BTBD1: variants seen among roughly 807,000 people sequenced by gnomAD.
BTBD1 encodes BTB domain containing 1, also known as BTB/POZ domain-containing protein 1.
In BTBD1, 34 loss-of-function variants were observed where a neutral mutation model predicts 48.0. The observed-to-expected ratio is 0.71, with a 90% CI of 0.54 to 0.94. BTBD1 has a LOEUF of 0.94. Among genes scored for constraint, BTBD1 ranks in the 40% least tolerant of loss-of-function variants. The pLI, the probability that BTBD1 is intolerant of heterozygous loss-of-function variation, is 0.00. For missense variants in BTBD1, 543 were observed against 625.6 expected (o/e 0.87, Z 1.41); for synonymous variants, 261 against 242.1 (o/e 1.08, Z -0.72).
At chr15:83,056,098 C>T (rs1224003084) in intron 2 of BTBD1, among the ~76,000 whole-genome samples, 9 of 151,874 alleles carry the variant, frequency 5.9e-5, no homozygotes, top group Admixed American at 1.3e-4. Context: ...TTAGTAGAGA[C>T]GGGGTCATGC....
At chr15:83,018,386 A>T (rs1160545564) in intron 7 of BTBD1, among the ~76,000 whole-genome samples, 161 bp from the exon 8 acceptor site, 1 of 152,252 alleles carries the variant, frequency 6.6e-6, no homozygotes, top group African/African-American at 2.4e-5. Context: ...CCAAAAAACT[A>T]ATTAATGAAT....
At chr15:83,020,624 T>C in intron 6 of BTBD1, 51 bp downstream of exon 6, 1 of 1,212,968 alleles carries the variant, frequency 8.2e-7, no homozygotes, top group Non-Finnish European at 1.2e-6. Context: ...ATCTTAAAGT[T>C]ACCTGTTTGT....
chr15:83,041,921 T>G lies in BTBD1; in HGVS notation c.669A>C (p.Thr223=). The change falls in exon 4 of 8, where the codon ACA becomes ACC. Residue 223 remains threonine (T), a synonymous_variant. Coordinates refer to ENST00000261721, the MANE Select transcript of BTBD1 (RefSeq NM_025238.4). ...TGTCTCTCTCTAAAACTGCACAGAG[T>G]GTATCTATAGGCAAAATACAAAATA... is the stretch of plus-strand genomic sequence containing the variant. The part of the protein sequence containing the change: ...AEGFTDIDID[T]LCAVLERDTL... 6.2e-7 allele frequency: 1 copy of G among 1,613,924 alleles called. No individual in the cohort carries two copies. The highest frequency in any genetic ancestry group is 1.1e-5 in the South Asian group (1 of 91,074).
intron 5 of BTBD1, chr15:83,028,507 C>T (rs753497531): frequency 6.6e-6 from 1 of 151,982 alleles, no homozygotes; most frequent in Non-Finnish European, 1.5e-5. Flanking sequence ...TTTGTCTAGT[C>T]TGATGCCTAT....
intron 1 of BTBD1, among the ~76,000 whole-genome samples, chr15:83,064,019 C>A (rs2033220059): frequency 6.6e-6 from 1 of 152,120 alleles, no homozygotes; most frequent in South Asian, 2.1e-4. Flanking sequence ...CACAAGCGCC[C>A]CAAAAGGGAG....
intron 2 of BTBD1, among the ~76,000 whole-genome samples, chr15:83,050,720 A>G (rs910869263): frequency 6.6e-6 from 1 of 152,096 alleles, no homozygotes; most frequent in Non-Finnish European, 1.5e-5. Context: ...TTGAGGAGAG[A>G]ATAGGGTACT....
At chr15:83,039,599 C>G (rs2032703421) in intron 4 of BTBD1, among the ~76,000 whole-genome samples, 1 of 151,800 alleles carries the variant, frequency 6.6e-6, no homozygotes, top group South Asian at 2.1e-4. Context: ...ATGGTGAAAC[C>G]CCATCTCTAC....
At chr15:83,018,895 A>G (rs747465729) in intron 6 of BTBD1, 42 bp from the exon 7 acceptor site, 6 of 1,549,190 alleles carry the variant, frequency 3.9e-6, no homozygotes, top group Non-Finnish European at 5.3e-6. Context: ...GTTAAACCAA[A>G]TAAAGCAAAC....
chr15:83,058,447 G>C (rs1374553334), intron 1 of BTBD1, among the ~76,000 whole-genome samples: 1 of 152,132 alleles, frequency 6.6e-6, no homozygotes, highest in Non-Finnish European at 1.5e-5. Flanking sequence ...AGAAAACTAT[G>C]AAATTTTTGT....
At position 83,035,498 on chromosome 15, in the gene BTBD1, GAA is replaced by G. The variant is rs71156068; in HGVS notation, c.863-5172_863-5171del. On this transcript the variant is annotated intron_variant, in intron 4 of 7. Transcript: ENST00000261721. ...AGTTATCTATAATTTATGAGTCAAAGAAAAAAAAAGCAAAAATTAAAAATTCT... is the reference window on the plus strand; with the variant it reads ...AGTTATCTATAATTTATGAGTCAAAGAAAAAAAGCAAAAATTAAAAATTCT... 9.5e-5 allele frequency among the ~76,000 whole-genome samples: 14 copies of G among 147,298 alleles called. No homozygotes were observed. In the East Asian group the frequency reaches 1.2e-3, roughly 13 times the overall value.
Position 83,067,013 on chromosome 15 carries a change from T to A in BTBD1, c.139A>T (p.Asn47Tyr), listed in dbSNP as rs2033291260. 6.3e-7 allele frequency: 1 copy of A among 1,584,256 alleles called. No homozygotes were observed. The change falls in exon 1 of 8, where the codon AAC (asparagine) becomes TAC (tyrosine). Residue 47 changes from asparagine to tyrosine, a missense_variant. This residue lies in a region of BTBD1 where 173 missense variants were observed against 163.9 expected (regional missense o/e 1.06). Coordinates refer to ENST00000261721, the MANE Select transcript of BTBD1 (RefSeq NM_025238.4). Reference protein sequence around the residue: ...LLPLQREPLYNWQATKASLKE... With the variant: ...LLPLQREPLYYWQATKASLKE... Reference sequence around the variant, plus strand: ...AGCGACGCCTTGGTCGCCTGCCAGTTGTAGAGAGGTTCCCGCTGCAGGGGG... The same window carrying A: ...AGCGACGCCTTGGTCGCCTGCCAGTAGTAGAGAGGTTCCCGCTGCAGGGGG...
intron 5 of BTBD1, 81 bp downstream of exon 5, chr15:83,030,055 T>G (rs987857413): frequency 2.4e-5 from 29 of 1,194,792 alleles, no homozygotes; most frequent in Admixed American, 1.2e-4. Context: ...TGTTGGTTAA[T>G]TATCTCCCAT....
intron 4 of BTBD1, among the ~76,000 whole-genome samples, chr15:83,032,790 G>C (rs2032544617): frequency 6.6e-6 from 1 of 151,946 alleles, no homozygotes; most frequent in African/African-American, 2.4e-5. Flanking sequence ...TCCCCAACAT[G>C]GTGAAACCCC....
At position 83,041,806 on chromosome 15, in the gene BTBD1, CAA is replaced by C. The variant is rs2032765621; in HGVS notation, c.782_783del (p.Phe261TrpfsTer3). 6.2e-7 allele frequency: 1 copy of C among 1,614,080 alleles called. No individual in the cohort carries two copies. The highest frequency in any genetic ancestry group is 1.1e-5 in the South Asian group (1 of 91,080). On this transcript the variant is annotated frameshift_variant, in exon 4 of 8. Transcript: ENST00000261721. LOFTEE classifies it high-confidence loss of function. ...TTTCCTAGAACTTTTTGTTTATTCC[CAA>C]AAGTCACAGGTAATTGTTGTCTCTG... ...ECQRQQLPVT[F>X]GNKQKVLGKA... is the part of the protein sequence containing the mutation.
chr15:83,024,352 T>C (rs944666935), intron 5 of BTBD1: 17 of 152,370 alleles, frequency 1.1e-4, no homozygotes, highest in African/African-American at 4.1e-4. Context: ...TTATGCTTTG[T>C]TGGTAATATC....
chr15:83,067,130 C>T lies in BTBD1; in HGVS notation c.22G>A (p.Ala8Thr), dbSNP rs2033297643. The change falls in exon 1 of 8, where the codon GCA (alanine) becomes ACA (threonine). Residue 8 changes from alanine to threonine, a missense_variant. Physicochemically the swap from Ala to Thr is moderately conservative, Grantham distance 58. This residue lies in a region of BTBD1 where 173 missense variants were observed against 163.9 expected (regional missense o/e 1.06). Coordinates refer to ENST00000261721, the MANE Select transcript of BTBD1 (RefSeq NM_025238.4). MASLGPA[A>T]AGEQASGAEA... ...GCCCCCGACGCCTGCTCCCCAGCTGCGGCAGGCCCGAGTGAGGCCATCCTC... is the reference window on the plus strand; with the variant it reads ...GCCCCCGACGCCTGCTCCCCAGCTGTGGCAGGCCCGAGTGAGGCCATCCTC... The T allele has an allele frequency of 1.4e-6, 2 of 1,440,178 alleles. No individual in the cohort carries two copies. Among genetic ancestry groups the T allele is most frequent in the Non-Finnish European group, 9.1e-7 (1 of 1,104,218 alleles). 89.2% of individuals were successfully genotyped at this position (1,440,178 alleles called of 1,614,324 possible).
At chr15:83,056,836 T>G (rs1200847488) in intron 1 of BTBD1, among the ~76,000 whole-genome samples, 1 of 151,746 alleles carries the variant, frequency 6.6e-6, no homozygotes. Context: ...TAGCTGGCAC[T>G]ACAAGTTTGC....
chr15:83,064,704 G>A (rs2033232020), intron 1 of BTBD1, among the ~76,000 whole-genome samples: 1 of 152,050 alleles, frequency 6.6e-6, no homozygotes, highest in African/African-American at 2.4e-5. Context: ...ATGAGGATGA[G>A]ATCTACACAT....
At chr15:83,023,939 C>A (rs1282560123) in intron 5 of BTBD1, among the ~76,000 whole-genome samples, 1 of 152,180 alleles carries the variant, frequency 6.6e-6, no homozygotes, top group Non-Finnish European at 1.5e-5. Flanking sequence ...ACGATCTCGG[C>A]TCATTGCAGC....
Sources: allele counts gnomAD v4.1 joint callset (sites outside exome capture counted in the v4.1 genomes callset), GRCh38; gene constraint gnomAD v4.1.1; regional missense constraint gnomAD v4.1.1; transcripts MANE v1.5; gene names NCBI Gene and HGNC (gene_info 2026-07-23, HGNC 2026-07-21).